Variants in NME7 observed in about 807,000 individuals in gnomAD.
The protein encoded by NME7 is nucleoside diphosphate kinase 7.
Under a neutral mutation model 49.1 loss-of-function variants are expected in NME7, and 41 were observed. The ratio of observed to expected loss-of-function variants is 0.83; its 90% CI spans 0.65 to 1.08. The LOEUF (loss-of-function observed/expected upper bound fraction) is 1.08, where lower values mean the gene tolerates loss of function less well. Among genes scored for constraint, NME7 ranks in the 50% least tolerant of loss-of-function variants. NME7 has a pLI of 0.00. For synonymous variants in NME7, 139 were observed against 150.6 expected (o/e 0.92, Z 0.56); for missense variants, 423 against 463.4 (o/e 0.91, Z 0.80).
intron 7 of NME7, among the ~76,000 whole-genome samples, chr1:169,251,383 G>C (rs1648571114): frequency 6.6e-6 from 1 of 151,826 alleles, no homozygotes; most frequent in Non-Finnish European, 1.5e-5. Context: ...TATTAGGTGA[G>C]TCTCTTGAAG....
At chr1:169,341,768 TA>T (rs953092226) in intron 1 of NME7, among the ~76,000 whole-genome samples, 2 of 151,898 alleles carry the variant, frequency 1.3e-5, no homozygotes, top group Non-Finnish European at 2.9e-5. Context: ...TTTAATGAAT[TA>T]AAAAAAAATT....
chr1:169,253,501 C>T (rs1224600214), intron 7 of NME7, among the ~76,000 whole-genome samples: 49 of 151,436 alleles, frequency 3.2e-4, no homozygotes, highest in Middle Eastern at 6.8e-3. Flanking sequence ...AATCATGTCG[C>T]CTGCAAACAG....
intron 9 of NME7, among the ~76,000 whole-genome samples, chr1:169,231,655 A>G (rs1398468849): frequency 1.3e-5 from 2 of 152,182 alleles, no homozygotes; most frequent in Non-Finnish European, 2.9e-5. Context: ...CAACTCAGAG[A>G]CAGCACAAGG....
chr1:169,180,252 T>C (rs949627285), intron 10 of NME7, among the ~76,000 whole-genome samples: 1 of 152,218 alleles, frequency 6.6e-6, no homozygotes, highest in East Asian at 1.9e-4. Flanking sequence ...ATATAATCAT[T>C]GTCTTCATAG....
intron 7 of NME7, among the ~76,000 whole-genome samples, chr1:169,254,154 G>A (rs954016032): frequency 6.7e-6 from 1 of 148,860 alleles, no homozygotes; most frequent in Non-Finnish European, 1.5e-5. Context: ...GTTCCTCCTT[G>A]TACCTCTGGT....
chr1:169,143,118 G>A (rs1230594581), intron 11 of NME7, among the ~76,000 whole-genome samples: 2 of 152,114 alleles, frequency 1.3e-5, no homozygotes, highest in Non-Finnish European at 1.5e-5. Flanking sequence ...CATGGTAACT[G>A]GAGAGACCTC....
chr1:169,235,073 T>C, intron 9 of NME7, 58 bp downstream of exon 9: 1 of 950,186 alleles, frequency 1.1e-6, no homozygotes. Flanking sequence ...TCCAAAACAC[T>C]GCATCCTATA....
In NME7 at chr1:169,258,474, AT is replaced by A. The variant is rs1186145095; in HGVS notation, c.755-20788del. Among the ~76,000 whole-genome samples, 4 of 123,606 alleles carry A rather than the reference AT, an allele frequency of 3.2e-5. 1 individual carries two copies. The highest frequency in any genetic ancestry group is 7.5e-5 in the Non-Finnish European group (4 of 53,386). 81.1% of individuals were successfully genotyped at this position (123,606 alleles called of 152,430 possible). A position where few individuals can be genotyped will look rare whatever the true frequency, so the allele number is the denominator to read the frequency against. On this transcript the variant is annotated intron_variant, in intron 7 of 11. Transcript: ENST00000367811. ...TTCTCAAAGTTAGCCTTTGCACAAC[AT>A]TTTTTTTAATAAACAGGTACGTTGA...
At chr1:169,315,766 C>G (rs900690999) in intron 3 of NME7, among the ~76,000 whole-genome samples, 1 of 151,758 alleles carries the variant, frequency 6.6e-6, no homozygotes, top group African/African-American at 2.4e-5. Flanking sequence ...AAATAATAAA[C>G]CAAAGAAGAC....
At chr1:169,176,158 G>A (rs1171739100) in intron 10 of NME7, among the ~76,000 whole-genome samples, 26 of 152,070 alleles carry the variant, frequency 1.7e-4, no homozygotes, top group Admixed American at 1.6e-3. Flanking sequence ...AGCAATGTCA[G>A]ATGAATTCAA....
intron 10 of NME7, among the ~76,000 whole-genome samples, chr1:169,186,518 T>G (rs12124738): frequency 0.24 from 36,807 of 152,162 alleles, 5,417 homozygotes; most frequent in Non-Finnish European, 0.34. Context: ...CAGGAATTTA[T>G]CCATTTCCTC....
intron 10 of NME7, among the ~76,000 whole-genome samples, chr1:169,197,393 A>G (rs12129969): frequency 0.36 from 54,066 of 151,812 alleles, 10,401 homozygotes; most frequent in East Asian, 0.73. Context: ...ACTGTGTATT[A>G]ATTAAAAACT....
intron 11 of NME7, among the ~76,000 whole-genome samples, chr1:169,142,114 T>C (rs191202185): frequency 1.1e-4 from 17 of 152,330 alleles, no homozygotes; most frequent in Non-Finnish European, 1.9e-4. Flanking sequence ...AGAATCACTA[T>C]ACTCCTGGAC....
chr1:169,164,041 C>A (rs1659328507), intron 11 of NME7, among the ~76,000 whole-genome samples: 1 of 149,892 alleles, frequency 6.7e-6, no homozygotes, highest in South Asian at 2.1e-4. Context: ...ACCCGGGAAG[C>A]AGAGGTTGCA....
intron 9 of NME7, 113 bp downstream of exon 9, chr1:169,235,018 A>G: frequency 2.0e-6 from 1 of 498,540 alleles, no homozygotes; most frequent in Non-Finnish European, 3.5e-6. Context: ...ATGACTCTGT[A>G]TTGATTTTCA....
In NME7 at chr1:169,304,077, TA is replaced by T. The variant is rs571347583; in HGVS notation, c.390-883del. Among the ~76,000 whole-genome samples, 1,140 of 152,144 alleles carry T rather than the reference TA, an allele frequency of 7.5e-3. 8 individuals are homozygous for T. Among genetic ancestry groups the T allele is most frequent in the Admixed American group, 0.018 (272 of 15,300 alleles). On this transcript the variant is annotated intron_variant, in intron 4 of 11. Transcript: ENST00000367811. Reference sequence around the variant, plus strand: ...TTACTAATGCTTTAACTGACATCACTAAAAAAGGGGAGAATATGGAAACATT... The same window carrying T: ...TTACTAATGCTTTAACTGACATCACTAAAAAGGGGAGAATATGGAAACATT...
intron 9 of NME7, among the ~76,000 whole-genome samples, chr1:169,234,912 C>T (rs1571313291): frequency 1.3e-5 from 2 of 152,088 alleles, no homozygotes. Context: ...TTATACCAAA[C>T]AAAATTAGCC....
rs569361467 is a variant in NME7 at position 169,302,407 on chromosome 1, T to C, written c.440+738A>G. ...AAAAAAATGTGGTACATATACACCA[T>C]GGAATACCATGCTGCAATAAAAAAG... On this transcript the variant is annotated intron_variant, in intron 5 of 11. Coordinates refer to ENST00000367811, the MANE Select transcript of NME7 (RefSeq NM_013330.5). 4 of 152,306 alleles carry C rather than the reference T, an allele frequency of 2.6e-5. No individual in the cohort carries two copies. The East Asian group carries it at 7.7e-4, about 29-fold the overall frequency. 9.4% of individuals were successfully genotyped at this position (152,306 alleles called of 1,614,324 possible).
intron 11 of NME7, among the ~76,000 whole-genome samples, chr1:169,136,112 C>T (rs1199500155): frequency 6.2e-5 from 3 of 48,022 alleles, no homozygotes; most frequent in Admixed American, 3.8e-4. Context: ...CCACATATAT[C>T]GGGCACAGCC....
Sources: allele counts gnomAD v4.1 joint callset (sites outside exome capture counted in the v4.1 genomes callset), GRCh38; gene constraint gnomAD v4.1.1; transcripts MANE v1.5; gene names NCBI Gene and HGNC (gene_info 2026-07-23, HGNC 2026-07-21).